Variants in NUGGC observed in about 807,000 individuals in gnomAD.
NUGGC encodes the protein nuclear GTPase SLIP-GC.
In NUGGC, 58 loss-of-function variants were observed where a neutral mutation model predicts 92.6. The ratio of observed to expected loss-of-function variants is 0.63; its 90% CI spans 0.51 to 0.78. The LOEUF (loss-of-function observed/expected upper bound fraction) is 0.78, where lower values mean the gene tolerates loss of function less well. Among genes scored for constraint, NUGGC ranks in the 30% least tolerant of loss-of-function variants. The pLI is 0.00. For synonymous variants in NUGGC, 376 were observed against 366.4 expected, an observed-to-expected ratio of 1.03 and a Z score of -0.30; for missense variants, 925 against 964.6, an observed-to-expected ratio of 0.96 and a Z score of 0.54.
At chr8:28,079,410 C>G (rs544317346) in intron 1 of NUGGC, among the ~76,000 whole-genome samples, 1 of 151,992 alleles carries the variant, frequency 6.6e-6, no homozygotes, top group Non-Finnish European at 1.5e-5. Flanking sequence ...TGTGGTGGCA[C>G]GCGCCTGTAA....
intron 17 of NUGGC, among the ~76,000 whole-genome samples, chr8:28,027,473 C>T (rs1375391303): frequency 6.6e-6 from 1 of 152,204 alleles, no homozygotes; most frequent in Non-Finnish European, 1.5e-5. Flanking sequence ...TTGCTGCACA[C>T]TTGCTTTGTG....
chr8:28,081,901 G>A (rs972251017), intron 1 of NUGGC, among the ~76,000 whole-genome samples: 4 of 151,412 alleles, frequency 2.6e-5, no homozygotes, highest in Non-Finnish European at 5.9e-5. Flanking sequence ...ACAATCTTTG[G>A]TCAAGTTTTT....
chr8:28,033,529 A>G lies in NUGGC; in HGVS notation c.1769+11T>C, dbSNP rs1288617928. 1.2e-6 allele frequency: 2 copies of G among 1,610,358 alleles called. No individual in the cohort carries two copies. The highest frequency in any genetic ancestry group is 2.7e-5 in the African/African-American group (2 of 74,770). ...TTTGTTCCCGAAGGTGCAAGATGAGAGATCCTTTACCTAAAAATGCTTCCA... is the reference window on the plus strand; with the variant it reads ...TTTGTTCCCGAAGGTGCAAGATGAGGGATCCTTTACCTAAAAATGCTTCCA... On this transcript the variant is annotated intron_variant, in intron 14 of 18. Coordinates refer to ENST00000413272, the MANE Select transcript of NUGGC (RefSeq NM_001010906.2).
intron 10 of NUGGC, among the ~76,000 whole-genome samples, chr8:28,053,992 T>G (rs146836200): frequency 6.6e-6 from 1 of 152,196 alleles, no homozygotes; most frequent in Non-Finnish European, 1.5e-5. Context: ...TGTATCAATA[T>G]TATTGAAGGC....
chr8:28,067,381 ACTT>A, intron 6 of NUGGC, 130 bp downstream of exon 6: 3 of 655,948 alleles, frequency 4.6e-6, no homozygotes, highest in Non-Finnish European at 8.0e-6. Flanking sequence ...GGCTACGGAT[ACTT>A]CTAATTTGGG....
chr8:28,049,647 A>C (rs1228964664), intron 10 of NUGGC, among the ~76,000 whole-genome samples: 2 of 152,270 alleles, frequency 1.3e-5, no homozygotes, highest in Non-Finnish European at 2.9e-5. Context: ...CCAAGATGTT[A>C]GTAGATATTC....
In NUGGC at chr8:28,031,273, A is replaced by G. The variant is rs377585931; in HGVS notation, c.1878T>C (p.Asp626=). ...EIGIRSGWKY[D]SCKKNFLIQE... is the part of the protein sequence containing the mutation. Reference sequence around the variant, plus strand: ...GGATCAGGAAATTTTTTTTGCAGCTATCATATTTCCAGCCACTTCTTATCC... The same window carrying G: ...GGATCAGGAAATTTTTTTTGCAGCTGTCATATTTCCAGCCACTTCTTATCC... The change falls in exon 15 of 19, where the codon GAT becomes GAC. Residue 626 remains aspartate (D), a synonymous_variant. Coordinates refer to ENST00000413272, the MANE Select transcript of NUGGC (RefSeq NM_001010906.2). 122 of 1,613,910 alleles carry G rather than the reference A, an allele frequency of 7.6e-5. No individual in the cohort carries two copies. Among genetic ancestry groups the G allele is most frequent in the South Asian group, 2.3e-4 (21 of 91,090 alleles).
chr8:28,056,168 G>T, intron 9 of NUGGC, 114 bp from the exon 10 acceptor site: 3 of 636,330 alleles, frequency 4.7e-6, no homozygotes, highest in Non-Finnish European at 8.3e-6. Flanking sequence ...AGTCAAATAT[G>T]CATGCACTGT....
At chr8:28,069,783 A>T in intron 3 of NUGGC, 131 bp from the exon 4 acceptor site, 1 of 669,122 alleles carries the variant, frequency 1.5e-6, no homozygotes, top group Non-Finnish European at 2.7e-6. Flanking sequence ...ATTAAACAAG[A>T]TAGCAGGTTA....
At chr8:28,061,856 C>A (rs753153187) in intron 7 of NUGGC, among the ~76,000 whole-genome samples, 35 of 152,158 alleles carry the variant, frequency 2.3e-4, no homozygotes, top group Non-Finnish European at 4.4e-4. Context: ...GACAGCCCAA[C>A]CCCAGCTCCC....
chr8:28,023,212 T>C lies in NUGGC; in HGVS notation c.*105A>G. On this transcript the variant is annotated 3_prime_UTR_variant, in exon 19 of 19. Transcript: ENST00000413272. Reference sequence around the variant, plus strand: ...GTGATGGTGCCACTGCACTCCAGCCTGGGCAACAGAGGTAGATAGATCTTG... The same window carrying C: ...GTGATGGTGCCACTGCACTCCAGCCCGGGCAACAGAGGTAGATAGATCTTG... 1.5e-6 allele frequency: 2 copies of C among 1,304,160 alleles called. No individual in the cohort carries two copies. The highest frequency in any genetic ancestry group is 1.5e-5 in the South Asian group (1 of 66,982). The allele number at this position is 1,304,160 out of a possible 1,614,324, so 80.8% of individuals were successfully genotyped here.
chr8:28,056,082 G>A (rs1254558755), intron 9 of NUGGC, 28 bp from the exon 10 acceptor site: 5 of 1,295,924 alleles, frequency 3.9e-6, no homozygotes, highest in Non-Finnish European at 5.4e-6. Context: ...ATAGAAGCAT[G>A]CAGAGAGTAG....
chr8:28,023,205 T>C lies in NUGGC; in HGVS notation c.*112A>G. 8.0e-6 allele frequency: 10 copies of C among 1,251,640 alleles called. No individual in the cohort carries two copies. Among genetic ancestry groups the C allele is most frequent in the South Asian group, 1.5e-5 (1 of 65,632 alleles). 77.5% of individuals were successfully genotyped at this position (1,251,640 alleles called of 1,614,324 possible). A position where few individuals can be genotyped will look rare whatever the true frequency, so the allele number is the denominator to read the frequency against. On this transcript the variant is annotated 3_prime_UTR_variant, in exon 19 of 19. Coordinates refer to ENST00000413272, the MANE Select transcript of NUGGC (RefSeq NM_001010906.2). Reference sequence around the variant, plus strand: ...GTGAGCTGTGATGGTGCCACTGCACTCCAGCCTGGGCAACAGAGGTAGATA... The same window carrying C: ...GTGAGCTGTGATGGTGCCACTGCACCCCAGCCTGGGCAACAGAGGTAGATA...
chr8:28,047,384 G>T, intron 11 of NUGGC, 123 bp downstream of exon 11: 1 of 626,924 alleles, frequency 1.6e-6, no homozygotes, highest in Non-Finnish European at 2.8e-6. Flanking sequence ...AATTGGTATT[G>T]AAACCATGGC....
At chr8:28,060,357 A>T (rs1306973624) in intron 8 of NUGGC, 69 bp downstream of exon 8, 23 of 1,414,652 alleles carry the variant, frequency 1.6e-5, no homozygotes, top group Non-Finnish European at 2.0e-5. Flanking sequence ...GCTCCATGCT[A>T]CTGTAGTCAG....
At chr8:28,077,913 G>C (rs925004662) in intron 1 of NUGGC, among the ~76,000 whole-genome samples, 1 of 152,198 alleles carries the variant, frequency 6.6e-6, no homozygotes, top group Non-Finnish European at 1.5e-5. Flanking sequence ...CAAAATCAAA[G>C]GGCCTTGAGT....
Position 28,074,257 on chromosome 8 carries a change from G to C in NUGGC, c.43+111C>G, listed in dbSNP as rs1810664578. On this transcript the variant is annotated intron_variant, in intron 2 of 18. Coordinates refer to ENST00000413272, the MANE Select transcript of NUGGC (RefSeq NM_001010906.2). Reference sequence around the variant, plus strand: ...CACGAGAAAGCACCTTCTGAATAAAGAGTAAGGAACAATGACAACAGTGAA... The same window carrying C: ...CACGAGAAAGCACCTTCTGAATAAACAGTAAGGAACAATGACAACAGTGAA... 1.2e-5 allele frequency: 9 copies of C among 763,538 alleles called. No homozygotes were observed. In the Admixed American group the frequency reaches 1.2e-4, roughly 10 times the overall value. 47.3% of individuals were successfully genotyped at this position (763,538 alleles called of 1,614,324 possible).
rs377427046 is a variant in NUGGC, at chr8:28,031,379, G to A, written c.1772C>T (p.Thr591Met). The stretch of plus-strand genomic sequence containing the variant: ...CAGAGCTGAACCAGTGGGCTTCCCC[G>A]TCCTACGGAAGAAAGTGACAAAAAA... ...IDPVFGSIFR[T>M]GKPTGSALMP... Residue 591 changes from threonine (T) to methionine (M), a missense_variant and splice_region_variant, in exon 15 of 19, where the codon ACG (threonine) becomes ATG (methionine). By Grantham distance (81) the Thr-to-Met change is moderately conservative. Transcript: ENST00000413272. The A allele has an allele frequency of 1.9e-5, 30 of 1,613,188 alleles. No homozygotes were observed. The highest frequency in any genetic ancestry group is 5.0e-5 in the Admixed American group (3 of 59,870).
intron 1 of NUGGC, among the ~76,000 whole-genome samples, chr8:28,075,461 C>T (rs1256699172): frequency 6.6e-6 from 1 of 152,224 alleles, no homozygotes; most frequent in African/African-American, 2.4e-5. Flanking sequence ...AGGGTAGAAT[C>T]TGCTAGCCTG....
Sources: allele counts gnomAD v4.1 joint callset (sites outside exome capture counted in the v4.1 genomes callset), GRCh38; gene constraint gnomAD v4.1.1; transcripts MANE v1.5; gene names NCBI Gene and HGNC (gene_info 2026-07-23, HGNC 2026-07-21).